Variants in OTUD7A observed in about 807,000 individuals in gnomAD.
OTUD7A encodes OTU domain-containing protein 7A.
OTUD7A carries 12 observed loss-of-function variants against 65.7 expected under a neutral mutation model. The observed-to-expected ratio is 0.18, with a 90% CI of 0.12 to 0.30. OTUD7A has a LOEUF of 0.30. Ranked by LOEUF, OTUD7A falls within the 10% of genes least tolerant of loss-of-function variation. The pLI is 1.00. For synonymous variants in OTUD7A, 641 were observed against 586.3 expected, an observed-to-expected ratio of 1.09 and a Z score of -1.35; for missense variants, 1,148 against 1,304.8, an observed-to-expected ratio of 0.88 and a Z score of 1.85.
chr15:31,696,048 TG>T (rs1893073519), intron 1 of OTUD7A, among the ~76,000 whole-genome samples: 2 of 151,846 alleles, frequency 1.3e-5, no homozygotes, highest in Admixed American at 6.6e-5. Context: ...AGACACGGGT[TG>T]GGGGTGGGTG....
chr15:31,832,400 T>C (rs1842101580), intron 1 of OTUD7A, among the ~76,000 whole-genome samples: 1 of 152,204 alleles, frequency 6.6e-6, no homozygotes, highest in South Asian at 2.1e-4. Flanking sequence ...ATGAGTGGTC[T>C]TTCCATCTCC....
At chr15:31,686,179 T>C (rs540792473) in intron 1 of OTUD7A, among the ~76,000 whole-genome samples, 1 of 152,348 alleles carries the variant, frequency 6.6e-6, no homozygotes, top group South Asian at 2.1e-4. Context: ...GGGAGAGGCC[T>C]GGCCCAGGGC....
At chr15:31,666,092 C>T (rs985765709) in intron 1 of OTUD7A, among the ~76,000 whole-genome samples, 3 of 151,774 alleles carry the variant, frequency 2.0e-5, no homozygotes, top group African/African-American at 7.3e-5. Context: ...CATCTATGTT[C>T]AGCAAGGATA....
intron 1 of OTUD7A, among the ~76,000 whole-genome samples, chr15:31,769,047 G>A (rs1270903480): frequency 6.6e-6 from 1 of 152,190 alleles, no homozygotes; most frequent in African/African-American, 2.4e-5. Flanking sequence ...GCTGAAATAT[G>A]CCAACTAATA....
At chr15:31,753,466 C>T (rs1894695365) in intron 1 of OTUD7A, among the ~76,000 whole-genome samples, 2 of 151,530 alleles carry the variant, frequency 1.3e-5, no homozygotes, top group African/African-American at 2.4e-5. Context: ...CACTCTTTCC[C>T]CAAGTCCCCA....
At position 31,717,168 on chromosome 15, in the gene OTUD7A, C is replaced by T. The variant is rs147502681; in HGVS notation, c.-99-60091G>A. 3.2e-3 allele frequency among the ~76,000 whole-genome samples: 487 copies of T among 152,286 alleles called. 3 individuals are homozygous for T. The highest frequency in any genetic ancestry group is 0.02 in the Middle Eastern group (6 of 294). On this transcript the variant is annotated intron_variant, in intron 1 of 12. Coordinates refer to ENST00000307050, the MANE Select transcript of OTUD7A (RefSeq NM_001382637.1). ...GTTTTCTGTCCAGGATCCCACATTG[C>T]ATTTCGTTTTCATGTTTCTAATCTA...
At position 31,661,424 on chromosome 15, in the gene OTUD7A, G is replaced by A. The variant is rs997885381; in HGVS notation, c.-99-4347C>T. Among the ~76,000 whole-genome samples the A allele has an allele frequency of 3.0e-4, 46 of 151,992 alleles. 1 individual carries two copies. The highest frequency in any genetic ancestry group is 3.4e-3 in the Middle Eastern group (1 of 294). Reference sequence around the variant, plus strand: ...TCTACTCTTGAGCTTAGATTTTTAGGCTAACAAGGAGAACACAGAATTACC... The same window carrying A: ...TCTACTCTTGAGCTTAGATTTTTAGACTAACAAGGAGAACACAGAATTACC... On this transcript the variant is annotated intron_variant, in intron 1 of 12. Coordinates refer to ENST00000307050, the MANE Select transcript of OTUD7A (RefSeq NM_001382637.1).
chr15:31,488,569 C>T (rs2041272436), intron 10 of OTUD7A, among the ~76,000 whole-genome samples: 1 of 152,176 alleles, frequency 6.6e-6, no homozygotes, highest in South Asian at 2.1e-4. Context: ...CCCCTGCAGG[C>T]CCCACACCTG....
At chr15:31,859,264 T>A (rs889145243) in intron 1 of OTUD7A, among the ~76,000 whole-genome samples, 2 of 152,238 alleles carry the variant, frequency 1.3e-5, no homozygotes, top group African/African-American at 4.8e-5. Context: ...CAACACATCA[T>A]GTTGTACATG....
At chr15:31,742,768 AG>A in intron 1 of OTUD7A, among the ~76,000 whole-genome samples, 1 of 152,272 alleles carries the variant, frequency 6.6e-6, no homozygotes, top group Middle Eastern at 3.4e-3. Flanking sequence ...GCGAATGAAA[AG>A]GGGTTAAAAA....
rs1491242230 is a variant in OTUD7A at position 31,687,119 on chromosome 15, AAC to A, written c.-99-30044_-99-30043del. ...CTTGATTTAAATAGAAAAAAAAAAAAACCACACATAATCTTCAAATAAAAGCC... is the reference window on the plus strand; with the variant it reads ...CTTGATTTAAATAGAAAAAAAAAAAACACACATAATCTTCAAATAAAAGCC... On this transcript the variant is annotated intron_variant, in intron 1 of 12. Transcript: ENST00000307050. 5.3e-5 allele frequency among the ~76,000 whole-genome samples: 8 copies of A among 149,586 alleles called. No individual in the cohort carries two copies. The South Asian group carries it at 1.3e-3, about 24-fold the overall frequency.
chr15:31,825,477 T>A (rs1364194948), intron 1 of OTUD7A, among the ~76,000 whole-genome samples: 1 of 152,212 alleles, frequency 6.6e-6, no homozygotes, highest in Non-Finnish European at 1.5e-5. Context: ...AGGATTCAGT[T>A]ATCTCCCACT....
chr15:31,740,066 G>A (rs1894298124), intron 1 of OTUD7A, among the ~76,000 whole-genome samples: 1 of 152,232 alleles, frequency 6.6e-6, no homozygotes, highest in South Asian at 2.1e-4. Context: ...AAAGACAACA[G>A]AAAAGGGCAG....
Position 31,483,389 on chromosome 15 carries a change from C to G in OTUD7A, c.2707G>C (p.Ala903Pro). 7.5e-7 allele frequency: 1 copy of G among 1,333,194 alleles called. No homozygotes were observed. Among genetic ancestry groups the G allele is most frequent in the Non-Finnish European group, 9.6e-7 (1 of 1,039,674 alleles). The allele number at this position is 1,333,194 out of a possible 1,614,324, so 82.6% of individuals were successfully genotyped here. Residue 903 changes from alanine (A) to proline (P), a missense_variant, in exon 13 of 13, where the codon GCG (alanine) becomes CCG (proline). Coordinates refer to ENST00000307050, the MANE Select transcript of OTUD7A (RefSeq NM_001382637.1). The part of the protein sequence containing the change: ...VQRRCQRENC[A>P]FYGRAETEHY... ...TCGGTCTCGGCGCGCCCGTAGAACG[C>G]ACAGTTCTCGCGCTGGCAGCGCCGC...
chr15:31,578,803 G>A (rs1889284553), intron 3 of OTUD7A, among the ~76,000 whole-genome samples: 2 of 152,274 alleles, frequency 1.3e-5, no homozygotes, highest in South Asian at 2.1e-4. Flanking sequence ...CTGCTGCCTT[G>A]GCCTCCCAAA....
chr15:31,479,832 G>C lies in OTUD7A; in HGVS notation c.*3462C>G, dbSNP rs1411480041. ...GAGAAGTAGTAAATTAAATCATTTG[G>C]GAAAACATTCGATTTGTAAATAGAT... On this transcript the variant is annotated 3_prime_UTR_variant, in exon 13 of 13. Coordinates refer to ENST00000307050, the MANE Select transcript of OTUD7A (RefSeq NM_001382637.1). 1 of 152,108 alleles carries C rather than the reference G, an allele frequency of 6.6e-6. No individual in the cohort carries two copies. The highest frequency in any genetic ancestry group is 1.5e-5 in the Non-Finnish European group (1 of 68,008). 9.4% of individuals were successfully genotyped at this position (152,108 alleles called of 1,614,324 possible). A position where few individuals can be genotyped will look rare whatever the true frequency, so the allele number is the denominator to read the frequency against.
chr15:31,715,246 A>C (rs1893553253), intron 1 of OTUD7A, among the ~76,000 whole-genome samples: 1 of 150,182 alleles, frequency 6.7e-6, no homozygotes, highest in Non-Finnish European at 1.5e-5. Context: ...CAAGCCTTCG[A>C]CTGTCCTGCC....
Position 31,570,116 on chromosome 15 carries a change from A to C in OTUD7A, c.233T>G (p.Phe78Cys). Residue 78 changes from phenylalanine to cysteine, a missense_variant, in exon 4 of 13, where the codon TTC (phenylalanine) becomes TGC (cysteine). By Grantham distance (205) the Phe-to-Cys change is radical. Transcript: ENST00000307050. Reference sequence around the variant, plus strand: ...CTGCTTGGGACCCCGCCCTTCATTGAACACATGTGGCAGATTGGCTGTGTG... The same window carrying C: ...CTGCTTGGGACCCCGCCCTTCATTGCACACATGTGGCAGATTGGCTGTGTG... ...QVHTANLPHV[F>C]NEGRGPKQPE... is the part of the protein sequence containing the mutation. 6.2e-7 allele frequency: 1 copy of C among 1,614,166 alleles called. No homozygotes were observed. Among genetic ancestry groups the C allele is most frequent in the Non-Finnish European group, 8.5e-7 (1 of 1,180,030 alleles).
intron 1 of OTUD7A, among the ~76,000 whole-genome samples, chr15:31,793,133 C>G (rs1895862836): frequency 1.3e-5 from 2 of 152,148 alleles, no homozygotes; most frequent in Non-Finnish European, 2.9e-5. Flanking sequence ...GCTTCCCAAC[C>G]CCCCATGCAC....
Sources: gnomAD v4.1 joint callset for allele counts (sites outside exome capture counted in the v4.1 genomes callset) on GRCh38, gnomAD v4.1.1 for gene constraint, MANE v1.5 for transcripts, NCBI Gene and HGNC (gene_info 2026-07-23, HGNC 2026-07-21) for gene names.